GALNT13: variants seen among roughly 807,000 people sequenced by gnomAD.
GALNT13 encodes the protein UDP-GalNAc:polypeptide N-acetylgalactosaminyltransferase 13.
GALNT13 carries 28 observed loss-of-function variants against 64.2 expected under a neutral mutation model. The ratio of observed to expected loss-of-function variants is 0.44; its 90% CI spans 0.32 to 0.60. GALNT13 has a LOEUF of 0.60. Among genes scored for constraint, GALNT13 ranks in the 20% least tolerant of loss-of-function variants. The pLI, the probability that GALNT13 is intolerant of heterozygous loss-of-function variation, is 0.05. For missense variants in GALNT13, 577 were observed against 669.8 expected, an observed-to-expected ratio of 0.86 and a Z score of 1.53; for synonymous variants, 214 against 224.6, an observed-to-expected ratio of 0.95 and a Z score of 0.42.
At chr2:154,348,982 A>C (rs1191365262) in intron 9 of GALNT13, among the ~76,000 whole-genome samples, 1 of 152,246 alleles carries the variant, frequency 6.6e-6, no homozygotes, top group African/African-American at 2.4e-5. Flanking sequence ...TGAAATTTCA[A>C]GATAACATTT....
At chr2:153,400,551 G>A in the GALNT13 span, among the ~76,000 whole-genome samples, 55 of 152,186 alleles carry the variant, frequency 3.6e-4, 1 homozygote, top group East Asian at 9.5e-3. Context: ...AATCCATCTG[G>A]TCCTGGACTC....
chr2:153,855,948 T>C, the GALNT13 span, among the ~76,000 whole-genome samples: 1 of 152,190 alleles, frequency 6.6e-6, no homozygotes, highest in Non-Finnish European at 1.5e-5. Flanking sequence ...TTGAAAACAT[T>C]ATATTAAAGA....
chr2:153,409,286 A>G, the GALNT13 span, among the ~76,000 whole-genome samples: 3 of 128,252 alleles, frequency 2.3e-5, no homozygotes, highest in Non-Finnish European at 4.9e-5. Context: ...ATATATATAT[A>G]TGAATATGTA....
At chr2:153,642,544 G>T in the GALNT13 span, among the ~76,000 whole-genome samples, 3 of 151,826 alleles carry the variant, frequency 2.0e-5, no homozygotes, top group African/African-American at 7.2e-5. Flanking sequence ...TTCTAAAATG[G>T]TGTGTATCTA....
At chr2:154,336,108 G>A (rs1253184306) in intron 9 of GALNT13, among the ~76,000 whole-genome samples, 2 of 152,036 alleles carry the variant, frequency 1.3e-5, no homozygotes, top group Non-Finnish European at 2.9e-5. Context: ...AAATAATCCA[G>A]TGTCATCCAC....
At chr2:154,366,894 CTG>C (rs1436997240) in intron 9 of GALNT13, among the ~76,000 whole-genome samples, 1 of 152,078 alleles carries the variant, frequency 6.6e-6, no homozygotes, top group East Asian at 1.9e-4. Context: ...CTCCAACAAA[CTG>C]TGTCAAACAT....
chr2:153,316,978 C>T, the GALNT13 span, among the ~76,000 whole-genome samples: 1 of 152,114 alleles, frequency 6.6e-6, no homozygotes, highest in African/African-American at 2.4e-5. Context: ...CTACTTATCA[C>T]TATAAATAAT....
At chr2:153,592,155 A>C in the GALNT13 span, among the ~76,000 whole-genome samples, 1 of 152,178 alleles carries the variant, frequency 6.6e-6, no homozygotes, top group South Asian at 2.1e-4. Context: ...TACAACAGTC[A>C]GAATGGCTAG....
the GALNT13 span, among the ~76,000 whole-genome samples, chr2:153,806,637 G>A: frequency 1.4e-5 from 2 of 147,122 alleles, no homozygotes; most frequent in South Asian, 2.1e-4. Context: ...CAAAGGGGTT[G>A]AACATGAGTC....
At chr2:154,107,436 A>C (rs1702681924) in intron 3 of GALNT13, among the ~76,000 whole-genome samples, 1 of 151,952 alleles carries the variant, frequency 6.6e-6, no homozygotes, top group African/African-American at 2.4e-5. Context: ...TTAAAAATAC[A>C]AAAATTAGCT....
the GALNT13 span, among the ~76,000 whole-genome samples, chr2:153,333,453 C>CAG: frequency 6.6e-6 from 1 of 152,120 alleles, no homozygotes; most frequent in African/African-American, 2.4e-5. Context: ...GTGTCCTTCA[C>CAG]AATTCTGTGA....
chr2:153,516,862 C>G, the GALNT13 span, among the ~76,000 whole-genome samples: 1 of 152,022 alleles, frequency 6.6e-6, no homozygotes, highest in South Asian at 2.1e-4. Context: ...TACTCCTTCC[C>G]ACTTCTCTTT....
At chr2:154,190,762 A>G (rs138989484) in intron 4 of GALNT13, among the ~76,000 whole-genome samples, 251 of 152,348 alleles carry the variant, frequency 1.6e-3, no homozygotes, top group African/African-American at 5.7e-3. Flanking sequence ...TTTTAACTAC[A>G]TATGTAATTG....
At chr2:153,834,878 T>C in the GALNT13 span, among the ~76,000 whole-genome samples, 2 of 152,108 alleles carry the variant, frequency 1.3e-5, no homozygotes, top group Non-Finnish European at 2.9e-5. Flanking sequence ...GTCCATGCCT[T>C]GTAAATATTT....
At chr2:153,511,455 A>G in the GALNT13 span, among the ~76,000 whole-genome samples, 1 of 152,122 alleles carries the variant, frequency 6.6e-6, no homozygotes, top group Non-Finnish European at 1.5e-5. Flanking sequence ...ACTCCTTTTC[A>G]GATTATTTTT....
intron 4 of GALNT13, among the ~76,000 whole-genome samples, chr2:154,152,750 T>G (rs979470268): frequency 6.6e-5 from 10 of 152,350 alleles, no homozygotes; most frequent in African/African-American, 2.4e-4. Context: ...GCATTCTTCA[T>G]GTAGTTCTGG....
the GALNT13 span, among the ~76,000 whole-genome samples, chr2:153,231,341 CT>C: frequency 6.6e-6 from 1 of 152,242 alleles, no homozygotes; most frequent in South Asian, 2.1e-4. Flanking sequence ...CACATTTATC[CT>C]TTTCTGGGGA....
At chr2:153,768,676 A>G in the GALNT13 span, among the ~76,000 whole-genome samples, 1 of 152,020 alleles carries the variant, frequency 6.6e-6, no homozygotes, top group Non-Finnish European at 1.5e-5. Context: ...CAGCCTGGCT[A>G]ACACACGGTG....
the GALNT13 span, among the ~76,000 whole-genome samples, chr2:153,828,571 A>C: frequency 6.6e-6 from 1 of 152,164 alleles, no homozygotes; most frequent in Admixed American, 6.5e-5. Flanking sequence ...TACACACAGC[A>C]TGGAGACCTT....
Sources: gnomAD v4.1 joint callset for allele counts (sites outside exome capture counted in the v4.1 genomes callset) on GRCh38, gnomAD v4.1.1 for gene constraint, MANE v1.5 for transcripts, NCBI Gene and HGNC (gene_info 2026-07-23, HGNC 2026-07-21) for gene names.